DNAJC16: variants seen among roughly 807,000 people sequenced by gnomAD.
DNAJC16 encodes dnaJ homolog subfamily C member 16.
A neutral mutation model predicts 92.7 loss-of-function variants in DNAJC16; 76 were observed. That is an observed-to-expected ratio of 0.82 (90% CI 0.68 to 0.99). The LOEUF (loss-of-function observed/expected upper bound fraction) is 0.99, where lower values mean the gene tolerates loss of function less well. DNAJC16 is among the 50% of genes least tolerant of loss of function. DNAJC16 has a pLI of 0.00. For synonymous variants in DNAJC16, 328 were observed against 358.7 expected (o/e 0.91, Z 0.97); for missense variants, 869 against 942.4 (o/e 0.92, Z 1.02).
Position 15,570,868 on chromosome 1 carries a change from T to A in DNAJC16, c.*2691T>A, listed in dbSNP as rs770239783. On this transcript the variant is annotated 3_prime_UTR_variant, in exon 15 of 15. Coordinates refer to ENST00000375847, the MANE Select transcript of DNAJC16 (RefSeq NM_015291.4). ...TGTATGTAATCATACAAGACCTGATTTTGGTTCTAACACAGTGGTCTTTGA... is the reference window on the plus strand; with the variant it reads ...TGTATGTAATCATACAAGACCTGATATTGGTTCTAACACAGTGGTCTTTGA... The A allele has an allele frequency of 5.9e-5, 9 of 152,212 alleles. No homozygotes were observed. The highest frequency in any genetic ancestry group is 1.3e-4 in the Admixed American group (2 of 15,274). 9.4% of individuals were successfully genotyped at this position (152,212 alleles called of 1,614,324 possible).
chr1:15,547,345 A>T (rs1254812419), intron 6 of DNAJC16, among the ~76,000 whole-genome samples: 2 of 151,204 alleles, frequency 1.3e-5, no homozygotes, highest in African/African-American at 4.9e-5. Context: ...ACAGGGTTTC[A>T]CCATGTTGGC....
At chr1:15,545,915 T>A (rs1306182248) in intron 5 of DNAJC16, among the ~76,000 whole-genome samples, 1 of 152,218 alleles carries the variant, frequency 6.6e-6, no homozygotes, top group African/African-American at 2.4e-5. Context: ...TATTTTAAGA[T>A]ATCAGTGGAG....
At chr1:15,565,604 A>G (rs912485118) in intron 11 of DNAJC16, 1 of 264,542 alleles carries the variant, frequency 3.8e-6, no homozygotes. Flanking sequence ...AATGTCAGAA[A>G]ATTCTTCCAT....
chr1:15,571,290 T>C lies in DNAJC16; in HGVS notation c.*3113T>C, dbSNP rs1265647168. ...TGCCATCATTACATAAATATTTTTC[T>C]GTTATAAAAAGAAGTGTGATCTGTT... On this transcript the variant is annotated 3_prime_UTR_variant, in exon 15 of 15. Coordinates refer to ENST00000375847, the MANE Select transcript of DNAJC16 (RefSeq NM_015291.4). 2.0e-5 allele frequency: 3 copies of C among 152,302 alleles called. No individual in the cohort carries two copies. The highest frequency in any genetic ancestry group is 7.2e-5 in the African/African-American group (3 of 41,470). The allele number at this position is 152,302 out of a possible 1,614,324, so 9.4% of individuals were successfully genotyped here. A position where few individuals can be genotyped will look rare whatever the true frequency, so the allele number is the denominator to read the frequency against.
In DNAJC16 at chr1:15,568,333, T is replaced by C. The variant is rs1005721548; in HGVS notation, c.*156T>C. 4 of 644,346 alleles carry C rather than the reference T, an allele frequency of 6.2e-6. No homozygotes were observed. Among genetic ancestry groups the C allele is most frequent in the Non-Finnish European group, 1.0e-5 (4 of 391,498 alleles). 39.9% of individuals were successfully genotyped at this position (644,346 alleles called of 1,614,324 possible). ...GAAGAATCTTTCCTTTGTCCTGTTCTAACCTAGGAATGAAAAACACCACCA... is the reference window on the plus strand; with the variant it reads ...GAAGAATCTTTCCTTTGTCCTGTTCCAACCTAGGAATGAAAAACACCACCA... On this transcript the variant is annotated 3_prime_UTR_variant, in exon 15 of 15. Coordinates refer to ENST00000375847, the MANE Select transcript of DNAJC16 (RefSeq NM_015291.4).
intron 1 of DNAJC16, among the ~76,000 whole-genome samples, chr1:15,528,346 C>T (rs961084227): frequency 6.6e-6 from 1 of 152,040 alleles, no homozygotes; most frequent in East Asian, 1.9e-4. Context: ...AGACAGGAGA[C>T]TTGCTTGAAC....
intron 4 of DNAJC16, among the ~76,000 whole-genome samples, chr1:15,544,092 T>C (rs1638221525): frequency 6.6e-6 from 1 of 151,158 alleles, no homozygotes; most frequent in Non-Finnish European, 1.5e-5. Context: ...CAAGAAAAGT[T>C]GTTCAAGTAT....
chr1:15,560,830 A>AC (rs964240038), intron 8 of DNAJC16, among the ~76,000 whole-genome samples: 3 of 151,658 alleles, frequency 2.0e-5, no homozygotes, highest in African/African-American at 4.8e-5. Context: ...TCCCAGCGAG[A>AC]CCCCCCTGGC....
Position 15,539,883 on chromosome 1 carries a change from C to G in DNAJC16, c.574+3069C>G, listed in dbSNP as rs536315349. Among the ~76,000 whole-genome samples, 5 of 151,988 alleles carry G rather than the reference C, an allele frequency of 3.3e-5. No individual in the cohort carries two copies. In the South Asian group the frequency reaches 1.0e-3, roughly 32 times the overall value. On this transcript the variant is annotated intron_variant, in intron 4 of 14. Coordinates refer to ENST00000375847, the MANE Select transcript of DNAJC16 (RefSeq NM_015291.4). ...TCTGTGCTGAAAATACAAAAATTAG[C>G]CAGGCGTGGTGGTGCGTGCCTGTAA...
intron 2 of DNAJC16, among the ~76,000 whole-genome samples, chr1:15,530,780 T>C (rs1322610563): frequency 6.6e-6 from 1 of 152,202 alleles, no homozygotes. Flanking sequence ...CTCCGCTTCC[T>C]GGGTTCAAGG....
chr1:15,562,328 AAGCCACAG>A lies in DNAJC16; in HGVS notation c.1338+6_1338+13del. 1 of 1,612,052 alleles carries A rather than the reference AAGCCACAG, an allele frequency of 6.2e-7. No homozygotes were observed. ...AGGCGTTTCAAGGGAAATCAGCGGT[AAGCCACAG>A]AGTCTCTCCTCATCCCAGGCTCTTC... On this transcript the variant is annotated splice_donor_5th_base_variant and intron_variant, in intron 9 of 14. Coordinates refer to ENST00000375847, the MANE Select transcript of DNAJC16 (RefSeq NM_015291.4).
At chr1:15,559,451 G>A (rs1638642778) in intron 7 of DNAJC16, 75 bp from the exon 8 acceptor site, 3 of 1,584,806 alleles carry the variant, frequency 1.9e-6, no homozygotes, top group African/African-American at 2.7e-5. Context: ...TTATTAAGCT[G>A]GTAAGTAAAG....
rs1710801968 is a variant in DNAJC16, at chr1:15,536,815, GTAAGATAATTTTATTCACTGAAAGATATT to G, written c.574+4_574+32del. 1.3e-6 allele frequency: 2 copies of G among 1,586,680 alleles called. No individual in the cohort carries two copies. The highest frequency in any genetic ancestry group is 3.8e-5 in the Admixed American group (2 of 52,462). Reference sequence around the variant, plus strand: ...GTCATTCAAGAACTGGAAGAATTGGGTAAGATAATTTTATTCACTGAAAGATATTTATATAGATGACTTTTTTTTTTTCA... The same window carrying G: ...GTCATTCAAGAACTGGAAGAATTGGGTATATAGATGACTTTTTTTTTTTCA... On this transcript the variant is annotated splice_donor_variant and splice_donor_5th_base_variant and intron_variant, in intron 4 of 14. Coordinates refer to ENST00000375847, the MANE Select transcript of DNAJC16 (RefSeq NM_015291.4). LOFTEE classifies it high-confidence loss of function.
rs751555435 is a variant in DNAJC16, at chr1:15,567,814, T to C, written c.1986T>C (p.Asp662=). The C allele has an allele frequency of 3.7e-6, 6 of 1,614,158 alleles. No homozygotes were observed. In the Admixed American group the frequency reaches 1.0e-4, roughly 27 times the overall value. Residue 662 remains aspartate, a synonymous_variant, in exon 15 of 15, where the codon GAT becomes GAC. Transcript: ENST00000375847. ...TACACTTCTCCTTCCTGAGTCTAGA[T>C]AAACACAGAGAATGGCTAGAATACT... The part of the protein sequence containing the change: ...SCLHFSFLSL[D]KHREWLEYLL...
Position 15,562,154 on chromosome 1 carries a change from T to G in DNAJC16, c.1167T>G (p.Val389=). Residue 389 remains valine, a synonymous_variant, in exon 9 of 15, where the codon GTT becomes GTG. Transcript: ENST00000375847. The part of the protein sequence containing the change: ...RSHRQRKYCV[V]LLTAETTKLS... ...TTTTGTTGTGCAGGTACTGTGTGGTTTTATTGACTGCTGAGACTACCAAGT... is the reference window on the plus strand; with the variant it reads ...TTTTGTTGTGCAGGTACTGTGTGGTGTTATTGACTGCTGAGACTACCAAGT... The G allele has an allele frequency of 6.2e-7, 1 of 1,613,724 alleles. No homozygotes were observed. The highest frequency in any genetic ancestry group is 8.5e-7 in the Non-Finnish European group (1 of 1,179,722).
chr1:15,551,528 C>T (rs879551669), intron 7 of DNAJC16, among the ~76,000 whole-genome samples: 10 of 150,908 alleles, frequency 6.6e-5, no homozygotes, highest in South Asian at 2.1e-4. Context: ...ATTAGAATTT[C>T]GAAAAATTTG....
intron 8 of DNAJC16, 41 bp from the exon 9 acceptor site, chr1:15,562,101 A>G: frequency 1.3e-6 from 2 of 1,587,478 alleles, no homozygotes; most frequent in Non-Finnish European, 8.6e-7. Context: ...TGGCCCTGCC[A>G]TCAGGGATTG....
In DNAJC16 at chr1:15,546,891, A is replaced by G. The variant is rs7515244; in HGVS notation, c.864+20A>G. ...TACAAGGTACTTTCTATGCTAGGAT[A>G]ATGGTTTCTTTTTCTTTTCTTTTCT... On this transcript the variant is annotated intron_variant, in intron 6 of 14. Transcript: ENST00000375847. The G allele has an allele frequency of 0.31, 458,571 of 1,465,260 alleles. 75,247 individuals are homozygous for G. Among genetic ancestry groups the G allele is most frequent in the East Asian group, 0.57 (23,837 of 42,158 alleles). 90.8% of individuals were successfully genotyped at this position (1,465,260 alleles called of 1,614,324 possible).
intron 3 of DNAJC16, 146 bp downstream of exon 3, chr1:15,534,449 T>A (rs1218955468): frequency 2.4e-6 from 2 of 816,346 alleles, no homozygotes; most frequent in Non-Finnish European, 3.6e-6. Context: ...ACAGGCTGGA[T>A]GCGGTGGCTC....
Sources: allele counts gnomAD v4.1 joint callset (sites outside exome capture counted in the v4.1 genomes callset), GRCh38; gene constraint gnomAD v4.1.1; transcripts MANE v1.5; gene names NCBI Gene and HGNC (gene_info 2026-07-23, HGNC 2026-07-21).